The following PCSK2 variants were observed in gnomAD, a reference collection of about 807,000 sequenced individuals.
PCSK2 encodes the protein neuroendocrine convertase 2.
In PCSK2, 14 loss-of-function variants were observed where a neutral mutation model predicts 69.7. That is an observed-to-expected ratio of 0.20 (90% CI 0.13 to 0.31). PCSK2 has a LOEUF of 0.31. PCSK2 is among the 10% of genes least tolerant of loss of function. PCSK2 has a pLI of 1.00. For missense variants in PCSK2, 544 were observed against 842.5 expected (o/e 0.65, Z 4.39); for synonymous variants, 307 against 320.7 (o/e 0.96, Z 0.46).
At chr20:17,292,814 T>C (rs1988742952) in intron 2 of PCSK2, among the ~76,000 whole-genome samples, 1 of 151,956 alleles carries the variant, frequency 6.6e-6, no homozygotes, top group Non-Finnish European at 1.5e-5. Context: ...TCTTATTAAG[T>C]TTTCTGGGGT....
intron 7 of PCSK2, among the ~76,000 whole-genome samples, chr20:17,432,238 T>A (rs1196211527): frequency 6.6e-6 from 1 of 152,202 alleles, no homozygotes; most frequent in Non-Finnish European, 1.5e-5. Flanking sequence ...CTTTTTCTTG[T>A]TGATTTGTAG....
intron 5 of PCSK2, among the ~76,000 whole-genome samples, chr20:17,371,717 G>A (rs1310366336): frequency 6.6e-6 from 1 of 151,822 alleles, no homozygotes; most frequent in Non-Finnish European, 1.5e-5. Flanking sequence ...TGCTTGATGT[G>A]CCATAAACAT....
At chr20:17,450,114 G>GC (rs2032793961) in intron 8 of PCSK2, among the ~76,000 whole-genome samples, 1 of 127,568 alleles carries the variant, frequency 7.8e-6, no homozygotes, top group East Asian at 2.8e-4. Flanking sequence ...TGCGGGCTCC[G>GC]CCCCCTGGGG....
At chr20:17,326,969 T>C (rs990661896) in intron 2 of PCSK2, among the ~76,000 whole-genome samples, 1 of 152,230 alleles carries the variant, frequency 6.6e-6, no homozygotes, top group Non-Finnish European at 1.5e-5. Context: ...CACTCCACTG[T>C]GATCTTACTC....
At chr20:17,332,289 T>C (rs539024497) in intron 2 of PCSK2, among the ~76,000 whole-genome samples, 1 of 152,186 alleles carries the variant, frequency 6.6e-6, no homozygotes, top group Non-Finnish European at 1.5e-5. Context: ...AATACCTTGC[T>C]TGTAAATTTC....
At chr20:17,266,168 A>G (rs1304633971) in intron 2 of PCSK2, among the ~76,000 whole-genome samples, 1 of 152,168 alleles carries the variant, frequency 6.6e-6, no homozygotes, top group South Asian at 2.1e-4. Flanking sequence ...GAGGGAAATA[A>G]AAAGGGCGGC....
intron 2 of PCSK2, among the ~76,000 whole-genome samples, chr20:17,335,462 T>TGTGTGTGTGTGTGTG (rs1555789125): frequency 1.1e-4 from 16 of 151,232 alleles, no homozygotes; most frequent in Middle Eastern, 3.5e-3. Context: ...TGTGTGTGTG[T>TGTGTGTGTGTGTGTG]TCCTTGTCTA....
chr20:17,357,755 G>A (rs950547132), intron 2 of PCSK2, among the ~76,000 whole-genome samples: 1 of 152,226 alleles, frequency 6.6e-6, no homozygotes, highest in Admixed American at 6.5e-5. Flanking sequence ...TTAGCTGGGT[G>A]TGGTGGCACA....
intron 1 of PCSK2, among the ~76,000 whole-genome samples, chr20:17,256,505 T>C (rs1008155398): frequency 6.6e-6 from 1 of 152,204 alleles, no homozygotes; most frequent in African/African-American, 2.4e-5. Context: ...TTTTAAATAC[T>C]GTAATATGAC....
chr20:17,442,745 C>A (rs914114012), intron 8 of PCSK2, among the ~76,000 whole-genome samples: 6 of 152,194 alleles, frequency 3.9e-5, no homozygotes, highest in African/African-American at 7.2e-5. Flanking sequence ...TGAAATTCAA[C>A]ATGGAAATTG....
At position 17,464,987 on chromosome 20, in the gene PCSK2, C is replaced by T. The variant is rs181796875; in HGVS notation, c.1203-339C>T. Reference sequence around the variant, plus strand: ...TCCAGTTTAGTTGGAATTACTTGCACGCTCATCCACAAAGTACATGTGTTC... The same window carrying T: ...TCCAGTTTAGTTGGAATTACTTGCATGCTCATCCACAAAGTACATGTGTTC... On this transcript the variant is annotated intron_variant, in intron 10 of 11. Coordinates refer to ENST00000262545, the MANE Select transcript of PCSK2 (RefSeq NM_002594.5). The T allele has an allele frequency of 1.0e-4, 34 of 325,622 alleles. No individual in the cohort carries two copies. The Admixed American group carries it at 1.1e-3, about 11-fold the overall frequency. 20.2% of individuals were successfully genotyped at this position (325,622 alleles called of 1,614,324 possible).
At chr20:17,467,074 A>G (rs1320386224) in intron 11 of PCSK2, among the ~76,000 whole-genome samples, 2 of 152,236 alleles carry the variant, frequency 1.3e-5, no homozygotes, top group African/African-American at 2.4e-5. Context: ...GAGCCTGGCC[A>G]GAGTCCAACC....
chr20:17,476,759 A>G (rs1274663184), intron 11 of PCSK2, among the ~76,000 whole-genome samples: 1 of 152,226 alleles, frequency 6.6e-6, no homozygotes, highest in African/African-American at 2.4e-5. Context: ...CTAGAGCCCA[A>G]TCTTTAGTTA....
chr20:17,324,099 G>T (rs946123009), intron 2 of PCSK2, among the ~76,000 whole-genome samples: 1 of 152,212 alleles, frequency 6.6e-6, no homozygotes, highest in African/African-American at 2.4e-5. Flanking sequence ...TCCCCAATGG[G>T]ATTGACACCT....
At chr20:17,378,614 T>C (rs148491936) in intron 5 of PCSK2, among the ~76,000 whole-genome samples, 2 of 127,232 alleles carry the variant, frequency 1.6e-5, no homozygotes, top group South Asian at 2.5e-4. Context: ...GATGGATGGA[T>C]GGATGGATGG....
At chr20:17,409,172 G>T in intron 5 of PCSK2, 91 bp from the exon 6 acceptor site, 1 of 941,904 alleles carries the variant, frequency 1.1e-6, no homozygotes, top group Non-Finnish European at 1.8e-6. Flanking sequence ...AGCACTCCAG[G>T]GAGGACTAGA....
intron 1 of PCSK2, among the ~76,000 whole-genome samples, chr20:17,239,649 C>T (rs1305171743): frequency 6.6e-6 from 1 of 151,958 alleles, no homozygotes; most frequent in African/African-American, 2.4e-5. Context: ...TACAGTCATA[C>T]CACAGGGACG....
chr20:17,260,402 A>G, intron 2 of PCSK2, 58 bp downstream of exon 2: 2 of 1,213,502 alleles, frequency 1.6e-6, no homozygotes, highest in South Asian at 1.2e-5. Flanking sequence ...GAGCCCACCA[A>G]GGGGGTGTGG....
chr20:17,345,324 T>C (rs1990621348), intron 2 of PCSK2, among the ~76,000 whole-genome samples: 1 of 152,206 alleles, frequency 6.6e-6, no homozygotes, highest in Admixed American at 6.5e-5. Context: ...TATAGTATGC[T>C]TCATTATTCT....
Sources: allele counts gnomAD v4.1 joint callset (sites outside exome capture counted in the v4.1 genomes callset), GRCh38; gene constraint gnomAD v4.1.1; transcripts MANE v1.5; gene names NCBI Gene and HGNC (gene_info 2026-07-23, HGNC 2026-07-21).